CCM2: variants seen among roughly 807,000 people sequenced by gnomAD.
CCM2 encodes CCM2 scaffold protein.
A neutral mutation model predicts 44.9 loss-of-function variants in CCM2; 25 were observed. The ratio of observed to expected loss-of-function variants is 0.56; its 90% CI spans 0.41 to 0.78. The LOEUF is 0.78. CCM2 is among the 30% of genes least tolerant of loss of function. CCM2 has a pLI of 0.00. For synonymous variants in CCM2, 219 were observed against 241.1 expected (o/e 0.91, Z 0.85); for missense variants, 481 against 580.6 (o/e 0.83, Z 1.76).
chr7:45,019,299 T>G (rs1796390288), intron 1 of CCM2, among the ~76,000 whole-genome samples: 1 of 152,142 alleles, frequency 6.6e-6, no homozygotes, highest in African/African-American at 2.4e-5. Context: ...GGTCTTGAAC[T>G]CCTGGCCTCA....
chr7:45,050,587 C>A (rs1413725451), intron 2 of CCM2, among the ~76,000 whole-genome samples: 1 of 152,166 alleles, frequency 6.6e-6, no homozygotes, highest in Admixed American at 6.5e-5. Flanking sequence ...AAAATGTTTT[C>A]TCATTATAGT....
chr7:45,030,692 G>A (rs1375976546), intron 1 of CCM2, among the ~76,000 whole-genome samples: 1 of 152,114 alleles, frequency 6.6e-6, no homozygotes, highest in Non-Finnish European at 1.5e-5. Context: ...TGGAATTACA[G>A]GTGTGAGCCA....
intron 3 of CCM2, 99 bp from the exon 4 acceptor site, chr7:45,064,364 C>A: frequency 8.4e-7 from 1 of 1,189,490 alleles, no homozygotes; most frequent in South Asian, 1.3e-5. Context: ...CAGCATTTGT[C>A]ACATGTGTGA....
chr7:45,054,110 A>G (rs541439097), intron 2 of CCM2, among the ~76,000 whole-genome samples: 1 of 152,292 alleles, frequency 6.6e-6, no homozygotes, highest in Non-Finnish European at 1.5e-5. Flanking sequence ...TCCCAGGTGC[A>G]TTCCCCAGCT....
At chr7:45,010,646 G>A (rs1372174945) in intron 1 of CCM2, among the ~76,000 whole-genome samples, 1 of 152,050 alleles carries the variant, frequency 6.6e-6, no homozygotes, top group Non-Finnish European at 1.5e-5. Context: ...CGCACAGACT[G>A]GAATGCAATG....
At position 45,042,057 on chromosome 7, in the gene CCM2, C is replaced by T. The variant is rs370796867; in HGVS notation, c.204+3631C>T. 7.9e-5 allele frequency among the ~76,000 whole-genome samples: 12 copies of T among 152,196 alleles called. No homozygotes were observed. In the East Asian group the frequency reaches 1.5e-3, roughly 20 times the overall value. ...TTGGGAGACTGAGGCGGACGGATCA[C>T]GAGGTCAGGAGTTCAAGACCAGCCT... is the stretch of plus-strand genomic sequence containing the variant. On this transcript the variant is annotated intron_variant, in intron 2 of 9. Transcript: ENST00000258781.
chr7:45,072,851 G>A, intron 7 of CCM2, 68 bp downstream of exon 7: 1 of 1,313,306 alleles, frequency 7.6e-7, no homozygotes, highest in Non-Finnish European at 1.1e-6. Flanking sequence ...TGTTGTCCAG[G>A]CTGCAGCCAG....
At chr7:45,048,094 A>G (rs1217572795) in intron 2 of CCM2, among the ~76,000 whole-genome samples, 1 of 152,192 alleles carries the variant, frequency 6.6e-6, no homozygotes, top group African/African-American at 2.4e-5. Context: ...AAGCAATAGG[A>G]ATATAAGCCC....
chr7:45,064,874 G>T (rs1198679749), intron 4 of CCM2, among the ~76,000 whole-genome samples: 4 of 152,086 alleles, frequency 2.6e-5, no homozygotes, highest in Non-Finnish European at 5.9e-5. Flanking sequence ...AATAATACTG[G>T]GATACAGTAT....
At chr7:45,014,770 C>A (rs534291598) in intron 1 of CCM2, among the ~76,000 whole-genome samples, 2 of 152,026 alleles carry the variant, frequency 1.3e-5, no homozygotes, top group African/African-American at 4.8e-5. Flanking sequence ...CACAGGCGTG[C>A]ACCACCAAGC....
At chr7:45,027,942 G>A in intron 1 of CCM2, 1 of 863,010 alleles carries the variant, frequency 1.2e-6, no homozygotes. Flanking sequence ...TTGGGAGGAT[G>A]GGGTGGGTGG....
At chr7:45,035,599 C>T (rs1042398350) in intron 1 of CCM2, among the ~76,000 whole-genome samples, 2 of 152,096 alleles carry the variant, frequency 1.3e-5, no homozygotes, top group Non-Finnish European at 2.9e-5. Context: ...TATTCCAGGT[C>T]GGGCAAGGGG....
At chr7:45,030,500 A>G (rs1264115255) in intron 1 of CCM2, among the ~76,000 whole-genome samples, 2 of 152,112 alleles carry the variant, frequency 1.3e-5, no homozygotes, top group Non-Finnish European at 2.9e-5. Context: ...CAGTGGTGTG[A>G]TCACAACTCA....
chr7:45,069,308 C>A (rs375737877), intron 5 of CCM2, among the ~76,000 whole-genome samples: 5 of 152,256 alleles, frequency 3.3e-5, no homozygotes, highest in East Asian at 1.9e-4. Flanking sequence ...ATCCCAGCTT[C>A]TCCCCTTGTG....
chr7:45,023,553 AAACAAAACT>A (rs975975607), intron 1 of CCM2, among the ~76,000 whole-genome samples: 3 of 152,184 alleles, frequency 2.0e-5, no homozygotes, highest in African/African-American at 7.2e-5. Flanking sequence ...CCGTCTCAAA[AAACAAAACT>A]AACAAAAACA....
intron 7 of CCM2, 199 bp downstream of exon 7, chr7:45,072,982 G>A (rs1799154537): frequency 3.0e-6 from 2 of 661,406 alleles, no homozygotes; most frequent in Admixed American, 4.2e-5. Flanking sequence ...AGCCCTTGCT[G>A]TCCCTCTTGT....
At chr7:45,072,578 A>AGCTT in intron 6 of CCM2, 148 bp from the exon 7 acceptor site, 1 of 712,684 alleles carries the variant, frequency 1.4e-6, no homozygotes, top group Middle Eastern at 3.6e-4. Flanking sequence ...AGCACATTCC[A>AGCTT]GAGTGCGGGC....
chr7:45,030,468 ACT>A (rs1368147557), intron 1 of CCM2, among the ~76,000 whole-genome samples: 1 of 152,048 alleles, frequency 6.6e-6, no homozygotes, highest in Non-Finnish European at 1.5e-5. Context: ...ACAGGGTCTC[ACT>A]CTGTTTCCTA....
At chr7:45,008,093 A>G (rs1795916886) in intron 1 of CCM2, among the ~76,000 whole-genome samples, 1 of 140,736 alleles carries the variant, frequency 7.1e-6, no homozygotes, top group Admixed American at 7.7e-5. Flanking sequence ...CCCAGGCTGG[A>G]GTGCAGTTGC....
Sources: allele counts gnomAD v4.1 joint callset (sites outside exome capture counted in the v4.1 genomes callset), GRCh38; gene constraint gnomAD v4.1.1; transcripts MANE v1.5; gene names NCBI Gene and HGNC (gene_info 2026-07-23, HGNC 2026-07-21).